The following LRRC4C variants were observed in gnomAD, a reference collection of about 807,000 sequenced individuals.
LRRC4C encodes the protein leucine-rich repeat-containing protein 4C.
LRRC4C carries 5 observed loss-of-function variants against 33.6 expected under a neutral mutation model. The observed-to-expected ratio is 0.15, with a 90% CI of 0.08 to 0.31. The LOEUF (loss-of-function observed/expected upper bound fraction) is 0.31, where lower values mean the gene tolerates loss of function less well. LRRC4C is among the 10% of genes least tolerant of loss of function. LRRC4C has a pLI of 1.00. For missense variants in LRRC4C, 560 were observed against 796.7 expected, an observed-to-expected ratio of 0.70 and a Z score of 3.58; for synonymous variants, 329 against 302.0, an observed-to-expected ratio of 1.09 and a Z score of -0.93.
At chr11:40,394,125 G>A (rs1393078563) in intron 3 of LRRC4C, among the ~76,000 whole-genome samples, 5 of 152,118 alleles carry the variant, frequency 3.3e-5, no homozygotes, top group Non-Finnish European at 5.9e-5. Context: ...TTGGGGGTAT[G>A]TATGGAAGCA....
intron 2 of LRRC4C, among the ~76,000 whole-genome samples, chr11:40,813,134 G>A (rs1951563519): frequency 6.6e-6 from 1 of 152,062 alleles, no homozygotes; most frequent in African/African-American, 2.4e-5. Flanking sequence ...TAATTGCCCA[G>A]GTTACCCCAG....
chr11:40,290,595 C>G (rs910153573), intron 4 of LRRC4C, among the ~76,000 whole-genome samples: 7 of 152,072 alleles, frequency 4.6e-5, no homozygotes, highest in South Asian at 2.1e-4. Context: ...AAATCTAACT[C>G]TACAGTTCTT....
intron 1 of LRRC4C, among the ~76,000 whole-genome samples, chr11:41,179,887 T>TC (rs1412523872): frequency 4.9e-5 from 1 of 20,536 alleles, no homozygotes; most frequent in Non-Finnish European, 2.5e-4. Flanking sequence ...AGGCAGGTTT[T>TC]CTTCCACCTA....
At chr11:40,561,842 C>T (rs376485798) in intron 3 of LRRC4C, among the ~76,000 whole-genome samples, 7 of 152,064 alleles carry the variant, frequency 4.6e-5, no homozygotes, top group African/African-American at 1.7e-4. Context: ...TGTTTGGTGG[C>T]CATTAGTTGG....
Position 41,165,245 on chromosome 11 carries a change from G to A in LRRC4C, c.-495-231522C>T, listed in dbSNP as rs561469174. Among the ~76,000 whole-genome samples the A allele has an allele frequency of 2.4e-3, 366 of 152,088 alleles. 1 individual carries two copies. The highest frequency in any genetic ancestry group is 3.4e-3 in the Non-Finnish European group (232 of 68,008). ...CTCTGCCAGACTTTGTTGCCCCCAG[G>A]ACCTGGTGTTGAGTCTGATCACCCC... On this transcript the variant is annotated intron_variant, in intron 1 of 6. Coordinates refer to ENST00000528697, the MANE Select transcript of LRRC4C (RefSeq NM_001258419.2).
chr11:40,825,941 G>T (rs5003660), intron 2 of LRRC4C, among the ~76,000 whole-genome samples: 8,801 of 40,434 alleles, frequency 0.22, 482 homozygotes, highest in Admixed American at 0.34. Flanking sequence ...ATTGTATTCT[G>T]GGGGGGGGGC....
chr11:41,351,991 A>C (rs1374240833), intron 1 of LRRC4C, among the ~76,000 whole-genome samples: 1 of 152,164 alleles, frequency 6.6e-6, no homozygotes, highest in East Asian at 1.9e-4. Context: ...ATAAGCAGCT[A>C]ACAACACAAT....
chr11:41,410,814 T>C (rs1420530218), intron 1 of LRRC4C, among the ~76,000 whole-genome samples: 1 of 152,106 alleles, frequency 6.6e-6, no homozygotes, highest in Non-Finnish European at 1.5e-5. Flanking sequence ...ATCATCACAT[T>C]ATCAACCTCA....
chr11:40,397,510 A>G (rs1017748061), intron 3 of LRRC4C, among the ~76,000 whole-genome samples: 1 of 152,174 alleles, frequency 6.6e-6, no homozygotes, highest in Non-Finnish European at 1.5e-5. Context: ...CAATATTCCT[A>G]AAGAAAAATT....
At chr11:40,992,981 A>G (rs1313361661) in intron 1 of LRRC4C, among the ~76,000 whole-genome samples, 1 of 152,176 alleles carries the variant, frequency 6.6e-6, no homozygotes, top group African/African-American at 2.4e-5. Flanking sequence ...TGGAAATTAC[A>G]ATTTTCTGTC....
At chr11:40,967,049 A>T (rs1486773315) in intron 1 of LRRC4C, among the ~76,000 whole-genome samples, 1 of 152,088 alleles carries the variant, frequency 6.6e-6, no homozygotes, top group Non-Finnish European at 1.5e-5. Context: ...AAGAGGTGAC[A>T]TTCAGACATG....
rs78735606 is a variant in LRRC4C, at chr11:41,237,809, C to A, written c.-496+221622G>T. ...AATTTTTTTTCACTCCTATTTATCA[C>A]TTCTCTGTGTTTTTAAAATGTTAAT... On this transcript the variant is annotated intron_variant, in intron 1 of 6. Transcript: ENST00000528697. Among the ~76,000 whole-genome samples the A allele has an allele frequency of 5.9e-3, 901 of 152,154 alleles. 11 individuals carry two copies. Among genetic ancestry groups the A allele is most frequent in the African/African-American group, 0.02 (850 of 41,516 alleles).
At chr11:40,664,406 G>T (rs574624367) in intron 2 of LRRC4C, among the ~76,000 whole-genome samples, 1 of 152,066 alleles carries the variant, frequency 6.6e-6, no homozygotes, top group African/African-American at 2.4e-5. Context: ...TTAGATTGGC[G>T]TGGTGGTGGG....
At chr11:41,145,295 A>T (rs1590744216) in intron 1 of LRRC4C, among the ~76,000 whole-genome samples, 1 of 152,258 alleles carries the variant, frequency 6.6e-6, no homozygotes, top group Admixed American at 6.5e-5. Context: ...TACTATTTTC[A>T]TTTGAGTTTA....
intron 1 of LRRC4C, among the ~76,000 whole-genome samples, chr11:41,039,573 C>CA (rs1857300502): frequency 6.6e-6 from 1 of 152,124 alleles, no homozygotes; most frequent in African/African-American, 2.4e-5. Context: ...CTTGCGTGGT[C>CA]AACACAATAT....
At chr11:41,132,002 G>C (rs1456723294) in intron 1 of LRRC4C, among the ~76,000 whole-genome samples, 1 of 152,128 alleles carries the variant, frequency 6.6e-6, no homozygotes, top group Non-Finnish European at 1.5e-5. Flanking sequence ...ATACTCAGTT[G>C]AGCAGCCTGT....
chr11:40,785,580 TA>T (rs1443166155), intron 2 of LRRC4C, among the ~76,000 whole-genome samples: 2 of 152,198 alleles, frequency 1.3e-5, no homozygotes, highest in Non-Finnish European at 2.9e-5. Context: ...AATTTATACA[TA>T]GGAATCAGAC....
intron 3 of LRRC4C, among the ~76,000 whole-genome samples, chr11:40,600,391 T>G (rs1321486741): frequency 6.6e-6 from 1 of 152,210 alleles, no homozygotes; most frequent in Non-Finnish European, 1.5e-5. Flanking sequence ...GTAGTATACT[T>G]TGAACTCAAA....
At chr11:40,282,711 A>G (rs1266609504) in intron 4 of LRRC4C, among the ~76,000 whole-genome samples, 1 of 152,222 alleles carries the variant, frequency 6.6e-6, no homozygotes, top group Non-Finnish European at 1.5e-5. Context: ...TTAAGCCATA[A>G]TTAAATAATA....
Sources: allele counts gnomAD v4.1 joint callset (sites outside exome capture counted in the v4.1 genomes callset), GRCh38; gene constraint gnomAD v4.1.1; transcripts MANE v1.5; gene names NCBI Gene and HGNC (gene_info 2026-07-23, HGNC 2026-07-21).